ARHGAP32: variants seen among roughly 807,000 people sequenced by gnomAD.
ARHGAP32 encodes rho GTPase-activating protein 32.
In ARHGAP32, 51 loss-of-function variants were observed where a neutral mutation model predicts 186.5. The observed-to-expected ratio is 0.27, with a 90% CI of 0.22 to 0.35. The LOEUF (loss-of-function observed/expected upper bound fraction) is 0.35. Among genes scored for constraint, ARHGAP32 ranks in the 10% least tolerant of loss-of-function variants. The pLI, the probability that ARHGAP32 is intolerant of heterozygous loss-of-function variation, is 1.00. For synonymous variants in ARHGAP32, 950 were observed against 964.3 expected, an observed-to-expected ratio of 0.99 and a Z score of 0.27; for missense variants, 2,186 against 2,623.5, an observed-to-expected ratio of 0.83 and a Z score of 3.64.
chr11:129,055,619 G>T (rs78314621), intron 10 of ARHGAP32, among the ~76,000 whole-genome samples: 1,729 of 152,274 alleles, frequency 0.011, 33 homozygotes, highest in African/African-American at 0.039. Context: ...AAGCTATCAA[G>T]CCAGAGAAAG....
chr11:129,063,820 A>T, intron 9 of ARHGAP32, 82 bp downstream of exon 9: 1 of 1,385,166 alleles, frequency 7.2e-7, no homozygotes, highest in South Asian at 1.8e-5. Context: ...TTTAAAAATT[A>T]AGGAAATGGT....
At chr11:129,224,884 G>C (rs1944758513) in intron 1 of ARHGAP32, among the ~76,000 whole-genome samples, 1 of 151,930 alleles carries the variant, frequency 6.6e-6, no homozygotes, top group Non-Finnish European at 1.5e-5. Context: ...GGCTGAACCA[G>C]GAGAATCATT....
intron 6 of ARHGAP32, among the ~76,000 whole-genome samples, chr11:129,086,508 C>A (rs993667530): frequency 6.6e-6 from 1 of 152,132 alleles, no homozygotes; most frequent in Non-Finnish European, 1.5e-5. Flanking sequence ...AGCCATAAAT[C>A]GACAGAAAAT....
intron 1 of ARHGAP32, among the ~76,000 whole-genome samples, chr11:129,272,101 T>C (rs952747747): frequency 6.6e-6 from 1 of 152,096 alleles, no homozygotes; most frequent in Non-Finnish European, 1.5e-5. Flanking sequence ...TAAACAACTC[T>C]TGAAATTTCT....
At chr11:129,050,772 T>TCCTAATGCTATCCGTTCC (rs1444941190) in intron 10 of ARHGAP32, among the ~76,000 whole-genome samples, 6 of 152,232 alleles carry the variant, frequency 3.9e-5, no homozygotes, top group Non-Finnish European at 7.3e-5. Context: ...TAGGTATTTC[T>TCCTAATGCTATCCGTTCC]CCTAATGCTA....
rs1290526840 is a variant in ARHGAP32 at position 129,264,130 on chromosome 11, C to A, written c.-5+15016G>T. 2.0e-5 allele frequency among the ~76,000 whole-genome samples: 3 copies of A among 152,066 alleles called. No homozygotes were observed. In the East Asian group the frequency reaches 5.8e-4, roughly 29 times the overall value. ...AGGACATTATGCTAAGTGAAATAAG[C>A]CAGTCACATAAAGACAAATATTGTA... On this transcript the variant is annotated intron_variant, in intron 1 of 6. Transcript: ENST00000525234.
chr11:129,069,233 G>A (rs1470673953), intron 6 of ARHGAP32, among the ~76,000 whole-genome samples: 1 of 152,006 alleles, frequency 6.6e-6, no homozygotes, highest in African/African-American at 2.4e-5. Flanking sequence ...ACCAACTCCT[G>A]AAATAAATAC....
At chr11:128,982,007 A>C (rs1945717333) in intron 15 of ARHGAP32, 71 bp from the exon 16 acceptor site, 11 of 979,400 alleles carry the variant, frequency 1.1e-5, no homozygotes, top group Non-Finnish European at 1.6e-5. Flanking sequence ...AAGCCTGCTA[A>C]TTAATTCCTA....
intron 11 of ARHGAP32, among the ~76,000 whole-genome samples, 170 bp downstream of exon 11, chr11:129,040,756 AAC>A (rs1236602219): frequency 1.3e-5 from 2 of 152,236 alleles, no homozygotes; most frequent in African/African-American, 4.8e-5. Context: ...CAAAATGATC[AAC>A]AGAGATATAA....
intron 12 of ARHGAP32, among the ~76,000 whole-genome samples, chr11:128,998,087 G>A (rs1406300975): frequency 1.3e-5 from 2 of 152,202 alleles, no homozygotes; most frequent in Non-Finnish European, 2.9e-5. Flanking sequence ...TATTTTGTGT[G>A]AATGTCCTAC....
At chr11:129,065,970 G>A (rs1830157740) in intron 7 of ARHGAP32, among the ~76,000 whole-genome samples, 1 of 152,044 alleles carries the variant, frequency 6.6e-6, no homozygotes, top group Non-Finnish European at 1.5e-5. Flanking sequence ...ACTCAGGTTT[G>A]CTCTTACTAA....
At chr11:129,262,973 G>C (rs1945344263) in intron 1 of ARHGAP32, among the ~76,000 whole-genome samples, 1 of 152,076 alleles carries the variant, frequency 6.6e-6, no homozygotes, top group African/African-American at 2.4e-5. Flanking sequence ...TTTTCTACAG[G>C]AGTGTGAAGA....
At chr11:129,170,322 C>T (rs1366524431) in intron 1 of ARHGAP32, among the ~76,000 whole-genome samples, 4 of 151,938 alleles carry the variant, frequency 2.6e-5, no homozygotes, top group Non-Finnish European at 4.4e-5. Flanking sequence ...CTTTCCGTCC[C>T]CTCCCCTCAC....
chr11:129,179,186 T>G (rs1246485855), intron 1 of ARHGAP32, among the ~76,000 whole-genome samples: 1 of 151,974 alleles, frequency 6.6e-6, no homozygotes, highest in Non-Finnish European at 1.5e-5. Flanking sequence ...AAAAAACATA[T>G]GAAAAAATGC....
At position 129,123,654 on chromosome 11, in the gene ARHGAP32, T is replaced by C; in HGVS notation, c.360-124A>G. On this transcript the variant is annotated intron_variant, in intron 4 of 22. Coordinates refer to ENST00000682385, the MANE Select transcript of ARHGAP32 (RefSeq NM_001378024.1). This position sits in a 1 kb window ranked among gnomAD's most constrained non-coding sequence, Gnocchi z 4.6. ...AAAATATTTCGTAAGCACATGCGCA[T>C]GAGCCACACATATCCGCACAAATCC... is the stretch of plus-strand genomic sequence containing the variant. 5 of 848,434 alleles carry C rather than the reference T, an allele frequency of 5.9e-6. No homozygotes were observed. Among genetic ancestry groups the C allele is most frequent in the Admixed American group, 2.3e-5 (1 of 44,082 alleles). The allele number at this position is 848,434 out of a possible 1,614,324, so 52.6% of individuals were successfully genotyped here. A position where few individuals can be genotyped will look rare whatever the true frequency, so the allele number is the denominator to read the frequency against.
rs186793675 is a variant in ARHGAP32, at chr11:129,090,793, G to A, written c.531+2828C>T. ...TTAAACTCACAAAACGTTTTATTCT[G>A]TGTAGTGGGGCTCAATATAATTAGT... On this transcript the variant is annotated intron_variant, in intron 6 of 22. Coordinates refer to ENST00000682385, the MANE Select transcript of ARHGAP32 (RefSeq NM_001378024.1). Among the ~76,000 whole-genome samples, 183 of 152,234 alleles carry A rather than the reference G, an allele frequency of 1.2e-3. 2 individuals are homozygous for A. The highest frequency in any genetic ancestry group is 3.4e-3 in the Middle Eastern group (1 of 294).
chr11:129,050,930 T>A (rs1463787352), intron 10 of ARHGAP32, among the ~76,000 whole-genome samples: 2 of 152,222 alleles, frequency 1.3e-5, no homozygotes, highest in African/African-American at 4.8e-5. Flanking sequence ...CTGAGAATGA[T>A]GGTTTCCAGC....
At chr11:128,979,962 G>T (rs1945661178) in intron 18 of ARHGAP32, among the ~76,000 whole-genome samples, 1 of 152,208 alleles carries the variant, frequency 6.6e-6, no homozygotes, top group Non-Finnish European at 1.5e-5. Context: ...TGGTTCTCAA[G>T]TCCTAGCAGA....
At chr11:129,078,807 T>C (rs955045412) in intron 6 of ARHGAP32, among the ~76,000 whole-genome samples, 1 of 152,098 alleles carries the variant, frequency 6.6e-6, no homozygotes, top group African/African-American at 2.4e-5. Flanking sequence ...GGTTGATTAC[T>C]AAGCTTCTTA....
Sources: gnomAD v4.1 joint callset for allele counts (sites outside exome capture counted in the v4.1 genomes callset) on GRCh38, gnomAD v4.1.1 for gene constraint, Gnocchi (gnomAD v3.1) non-coding constraint, MANE v1.5 for transcripts, NCBI Gene and HGNC (gene_info 2026-07-23, HGNC 2026-07-21) for gene names.